NBEA: variants seen among roughly 807,000 people sequenced by gnomAD.
NBEA encodes the protein lysosomal-trafficking regulator 2.
A neutral mutation model predicts 343.4 loss-of-function variants in NBEA; 44 were observed. That is an observed-to-expected ratio of 0.13 (90% CI 0.10 to 0.16). NBEA has a LOEUF of 0.16. Among genes scored for constraint, NBEA ranks in the 10% least tolerant of loss-of-function variants. The probability of loss-of-function intolerance (pLI) is 1.00; values close to 1 mark genes in which losing one functional copy is unlikely to be tolerated. For missense variants in NBEA, 2,555 were observed against 3,631.3 expected, an observed-to-expected ratio of 0.70 and a Z score of 7.62; for synonymous variants, 1,175 against 1,238.7, an observed-to-expected ratio of 0.95 and a Z score of 1.08.
At chr13:35,268,288 G>A (rs531193359) in intron 34 of NBEA, among the ~76,000 whole-genome samples, 31 of 152,130 alleles carry the variant, frequency 2.0e-4, no homozygotes, top group African/African-American at 7.2e-4. Flanking sequence ...TTATATGAGG[G>A]ACATAGAGTA....
At chr13:35,085,479 A>T (rs2064700191) in intron 10 of NBEA, among the ~76,000 whole-genome samples, 1 of 152,190 alleles carries the variant, frequency 6.6e-6, no homozygotes, top group African/African-American at 2.4e-5. Flanking sequence ...CCAATGACAA[A>T]AACCGCATGA....
intron 36 of NBEA, among the ~76,000 whole-genome samples, chr13:35,317,209 G>A (rs2037800772): frequency 6.6e-6 from 1 of 152,168 alleles, no homozygotes; most frequent in Non-Finnish European, 1.5e-5. Flanking sequence ...GAAAGGCATT[G>A]CCTAGGTTTT....
intron 41 of NBEA, chr13:35,474,404 TTAGAAA>T (rs1566186925): frequency 6.6e-6 from 1 of 152,646 alleles, no homozygotes; most frequent in African/African-American, 2.4e-5. Flanking sequence ...TTATGGAATG[TTAGAAA>T]TAGAACAAGC....
At chr13:35,364,102 A>C (rs1051345791) in intron 38 of NBEA, among the ~76,000 whole-genome samples, 1 of 151,954 alleles carries the variant, frequency 6.6e-6, no homozygotes, top group Non-Finnish European at 1.5e-5. Flanking sequence ...CTACTTGTGC[A>C]TGTGATAACC....
chr13:35,209,920 A>G (rs2152751615), intron 32 of NBEA, among the ~76,000 whole-genome samples: 1 of 152,214 alleles, frequency 6.6e-6, no homozygotes, highest in South Asian at 2.1e-4. Context: ...ATAAATAGAT[A>G]TTTCTATCTG....
At chr13:34,981,141 TG>T (rs1220114439) in intron 1 of NBEA, among the ~76,000 whole-genome samples, 1 of 152,196 alleles carries the variant, frequency 6.6e-6, no homozygotes, top group East Asian at 1.9e-4. Context: ...TGCCTTTTCT[TG>T]ACATTTTGTA....
At chr13:35,153,532 G>T (rs2068938404) in intron 18 of NBEA, among the ~76,000 whole-genome samples, 1 of 152,174 alleles carries the variant, frequency 6.6e-6, no homozygotes, top group African/African-American at 2.4e-5. Context: ...TTGAGTTTCT[G>T]AGTATATGTT....
chr13:35,579,184 C>A (rs536662483), intron 45 of NBEA, among the ~76,000 whole-genome samples: 9 of 152,028 alleles, frequency 5.9e-5, no homozygotes, highest in African/African-American at 2.2e-4. Flanking sequence ...TTTAACTAGG[C>A]CTCTGATTTG....
chr13:35,017,303 A>G (rs1028870211), intron 1 of NBEA, among the ~76,000 whole-genome samples: 3 of 152,156 alleles, frequency 2.0e-5, no homozygotes, highest in Non-Finnish European at 4.4e-5. Flanking sequence ...GCATAAACCT[A>G]TGTTTTCATT....
intron 8 of NBEA, 99 bp from the exon 9 acceptor site, chr13:35,069,809 C>T: frequency 3.8e-6 from 3 of 781,816 alleles, no homozygotes; most frequent in South Asian, 2.4e-5. Flanking sequence ...ATGAAAGGTA[C>T]ACAAGTAGTT....
intron 2 of NBEA, among the ~76,000 whole-genome samples, chr13:35,042,030 A>G (rs1437720556): frequency 6.6e-6 from 1 of 151,974 alleles, no homozygotes. Flanking sequence ...TAGTTCAGAT[A>G]CCAGAGAATA....
chr13:35,255,709 G>T (rs1232758032), intron 34 of NBEA, among the ~76,000 whole-genome samples: 2 of 152,240 alleles, frequency 1.3e-5, no homozygotes, highest in Non-Finnish European at 2.9e-5. Flanking sequence ...GGCTTGGGGA[G>T]CCCCTAGGTC....
intron 45 of NBEA, among the ~76,000 whole-genome samples, chr13:35,577,518 C>T (rs965058932): frequency 6.6e-6 from 1 of 152,000 alleles, no homozygotes; most frequent in Non-Finnish European, 1.5e-5. Context: ...TGTTCATTAG[C>T]TTCTTATTGA....
chr13:35,092,158 A>AT (rs1456379233), intron 10 of NBEA, among the ~76,000 whole-genome samples: 1 of 151,962 alleles, frequency 6.6e-6, no homozygotes. Flanking sequence ...AAGTAGTCTA[A>AT]TGGAGGAAGG....
At chr13:35,065,315 A>G (rs1282237091) in intron 8 of NBEA, among the ~76,000 whole-genome samples, 1 of 151,920 alleles carries the variant, frequency 6.6e-6, no homozygotes, top group Non-Finnish European at 1.5e-5. Context: ...TGGTATTGAA[A>G]GCCTGTTGAC....
intron 39 of NBEA, among the ~76,000 whole-genome samples, chr13:35,449,240 A>G (rs1297919236): frequency 6.6e-6 from 1 of 152,212 alleles, no homozygotes; most frequent in African/African-American, 2.4e-5. Flanking sequence ...GAATAATTTT[A>G]ATAGGAAAAT....
chr13:35,600,440 T>C (rs2081996019), intron 47 of NBEA, among the ~76,000 whole-genome samples: 1 of 152,150 alleles, frequency 6.6e-6, no homozygotes, highest in South Asian at 2.1e-4. Flanking sequence ...AGCTATTCAT[T>C]GAAACACAAT....
chr13:35,362,295 A>C (rs2040852919), intron 38 of NBEA, among the ~76,000 whole-genome samples: 1 of 151,952 alleles, frequency 6.6e-6, no homozygotes, highest in African/African-American at 2.4e-5. Context: ...AGCTTTCTCT[A>C]TAGCTATACC....
chr13:35,261,599 A>G (rs1262608548), intron 34 of NBEA, among the ~76,000 whole-genome samples: 2 of 152,154 alleles, frequency 1.3e-5, no homozygotes, highest in Non-Finnish European at 2.9e-5. Flanking sequence ...GAAAATGAAA[A>G]ATAAAGGCCT....
Sources: gnomAD v4.1 joint callset for allele counts (sites outside exome capture counted in the v4.1 genomes callset) on GRCh38, gnomAD v4.1.1 for gene constraint, MANE v1.5 for transcripts, NCBI Gene and HGNC (gene_info 2026-07-23, HGNC 2026-07-21) for gene names.